The following NPHP1 variants were observed in gnomAD, a reference collection of about 807,000 sequenced individuals.
NPHP1 encodes the protein nephrocystin 1, also known as nephrocystin-1.
Under a neutral mutation model 90.4 loss-of-function variants are expected in NPHP1, and 70 were observed. The observed-to-expected ratio is 0.77, with a 90% CI of 0.64 to 0.95. The LOEUF (loss-of-function observed/expected upper bound fraction) is 0.95, where lower values mean the gene tolerates loss of function less well. NPHP1 is among the 40% of genes least tolerant of loss of function. The probability of loss-of-function intolerance (pLI) is 0.00; values close to 1 mark genes in which losing one functional copy is unlikely to be tolerated. For missense variants in NPHP1, 764 were observed against 795.9 expected (o/e 0.96, Z 0.48); for synonymous variants, 256 against 271.7 (o/e 0.94, Z 0.57).
intron 2 of NPHP1, among the ~76,000 whole-genome samples, chr2:110,200,697 C>T (rs536551645): frequency 2.6e-5 from 4 of 151,982 alleles, no homozygotes; most frequent in African/African-American, 4.8e-5. Context: ...GAACAATAAC[C>T]TTTGCTTTTC....
chr2:110,159,185 A>G (rs1386771523), intron 11 of NPHP1, among the ~76,000 whole-genome samples: 3 of 151,952 alleles, frequency 2.0e-5, no homozygotes, highest in Non-Finnish European at 4.4e-5. Flanking sequence ...ATTTAATAAT[A>G]TTTTGTTTAG....
At chr2:110,153,091 GA>G (rs1393877790) in intron 11 of NPHP1, among the ~76,000 whole-genome samples, 3 of 151,932 alleles carry the variant, frequency 2.0e-5, no homozygotes, top group Admixed American at 6.6e-5. Flanking sequence ...TAGCCAACAG[GA>G]AAAAAACAAT....
chr2:110,198,050 T>G (rs1685288506), intron 2 of NPHP1, among the ~76,000 whole-genome samples: 1 of 151,992 alleles, frequency 6.6e-6, no homozygotes, highest in South Asian at 2.1e-4. Context: ...ATTAAAACGT[T>G]TGAAAAGGTA....
At chr2:110,134,543 A>G (rs1052111558) in intron 16 of NPHP1, among the ~76,000 whole-genome samples, 6 of 151,834 alleles carry the variant, frequency 4.0e-5, no homozygotes, top group Non-Finnish European at 8.8e-5. Context: ...AAAAAAAAAA[A>G]AACTACAGGC....
chr2:110,177,668 T>C (rs1683594696), intron 4 of NPHP1, among the ~76,000 whole-genome samples: 1 of 152,132 alleles, frequency 6.6e-6, no homozygotes, highest in Admixed American at 6.5e-5. Flanking sequence ...CTTGTATATG[T>C]AAGTCTTCTT....
chr2:110,131,574 T>C lies in NPHP1; in HGVS notation c.1642+105A>G, dbSNP rs1679778018. On this transcript the variant is annotated intron_variant, in intron 17 of 19. Coordinates refer to ENST00000445609, the MANE Select transcript of NPHP1 (RefSeq NM_001128178.3). Reference sequence around the variant, plus strand: ...CATCAATGCTGTTCTAAATATTTTATTCCAAAAGTCACAACCAGAAACAGA... The same window carrying C: ...CATCAATGCTGTTCTAAATATTTTACTCCAAAAGTCACAACCAGAAACAGA... 1.1e-5 allele frequency: 8 copies of C among 733,448 alleles called. 1 individual carries two copies. Among genetic ancestry groups the C allele is most frequent in the South Asian group, 1.1e-4 (7 of 66,544 alleles). The allele number at this position is 733,448 out of a possible 1,614,324, so 45.4% of individuals were successfully genotyped here.
At position 110,198,680 on chromosome 2, in the gene NPHP1, G is replaced by A. The variant is rs557379387; in HGVS notation, c.143+2741C>T. Reference sequence around the variant, plus strand: ...TTTCCCATACACCAGGGTTAGAGCCGGCCCTATTCTGGCACTGGGGGATCC... The same window carrying A: ...TTTCCCATACACCAGGGTTAGAGCCAGCCCTATTCTGGCACTGGGGGATCC... On this transcript the variant is annotated intron_variant, in intron 2 of 19. Transcript: ENST00000445609. 1.7e-4 allele frequency among the ~76,000 whole-genome samples: 26 copies of A among 152,192 alleles called. No homozygotes were observed. In the South Asian group the frequency reaches 4.1e-3, roughly 24 times the overall value.
chr2:110,156,778 C>CTA (rs1225654386), intron 11 of NPHP1, among the ~76,000 whole-genome samples: 1 of 122,478 alleles, frequency 8.2e-6, no homozygotes, highest in Non-Finnish European at 1.7e-5. Context: ...GTTTTGGTTT[C>CTA]TGTTTTTTTT....
chr2:110,204,634 A>T (rs762532937), intron 1 of NPHP1, among the ~76,000 whole-genome samples: 7 of 151,420 alleles, frequency 4.6e-5, no homozygotes, highest in Non-Finnish European at 1.0e-4. Flanking sequence ...GGTGGGAGTG[A>T]GGGTCGGAGG....
At chr2:110,199,487 A>T (rs1685417372) in intron 2 of NPHP1, among the ~76,000 whole-genome samples, 1 of 151,990 alleles carries the variant, frequency 6.6e-6, no homozygotes, top group Non-Finnish European at 1.5e-5. Context: ...AAAAGTGTTA[A>T]AGTCAAGAGA....
At chr2:110,170,109 T>C in intron 4 of NPHP1, 111 bp from the exon 5 acceptor site, 1 of 1,365,584 alleles carries the variant, frequency 7.3e-7, no homozygotes, top group South Asian at 1.2e-5. Flanking sequence ...AGCTGGCAAA[T>C]AAAAGAAATA....
Position 110,178,549 on chromosome 2 carries a change from T to G in NPHP1, c.205-2A>C. ...TGCAACAGGTGCAGATTCATCAGCC[T>G]ATGAGAGAATATAGGTCTATTTCAC... On this transcript the variant is annotated splice_acceptor_variant, in intron 3 of 19. Transcript: ENST00000445609. LOFTEE classifies it high-confidence loss of function. 5 of 1,609,124 alleles carry G rather than the reference T, an allele frequency of 3.1e-6. No homozygotes were observed. Among genetic ancestry groups the G allele is most frequent in the Non-Finnish European group, 4.2e-6 (5 of 1,178,422 alleles).
chr2:110,140,674 C>T (rs1300211591), intron 16 of NPHP1, among the ~76,000 whole-genome samples: 2 of 151,986 alleles, frequency 1.3e-5, no homozygotes, highest in Non-Finnish European at 2.9e-5. Flanking sequence ...TGAGGCCAAA[C>T]AAGATTTGGG....
intron 9 of NPHP1, 107 bp from the exon 10 acceptor site, chr2:110,161,804 C>A: frequency 1.4e-6 from 1 of 738,470 alleles, no homozygotes; most frequent in Non-Finnish European, 2.3e-6. Context: ...CAAAATGCCA[C>A]GCTGCTTACT....
chr2:110,183,023 C>T (rs1389097931), intron 2 of NPHP1, among the ~76,000 whole-genome samples: 1 of 151,590 alleles, frequency 6.6e-6, no homozygotes. Context: ...GACTTTAAGC[C>T]AATAAAGATA....
At chr2:110,146,480 A>T (rs1280799500) in intron 14 of NPHP1, among the ~76,000 whole-genome samples, 1 of 152,128 alleles carries the variant, frequency 6.6e-6, no homozygotes, top group Non-Finnish European at 1.5e-5. Flanking sequence ...AAATGTGTTA[A>T]TACCATAGGA....
chr2:110,139,805 C>T (rs573844377), intron 16 of NPHP1, among the ~76,000 whole-genome samples: 5 of 152,236 alleles, frequency 3.3e-5, no homozygotes, highest in East Asian at 1.9e-4. Flanking sequence ...AGGATAGAGG[C>T]GGGGCGTGCC....
rs1169523264 is a variant in NPHP1 at position 110,129,232 on chromosome 2, G to C, written c.1670C>G (p.Thr557Ser). The C allele has an allele frequency of 6.2e-7, 1 of 1,613,626 alleles. No individual in the cohort carries two copies. Among genetic ancestry groups the C allele is most frequent in the Non-Finnish European group, 8.5e-7 (1 of 1,179,738 alleles). The change falls in exon 18 of 20, where the codon ACC becomes AGC. Residue 557 changes from threonine to serine, a missense_variant. By Grantham distance (58) the Thr-to-Ser change is moderately conservative. Transcript: ENST00000445609. ...TDLISHPMLA[T>S]FPMLLEQPDV... Reference sequence around the variant, plus strand: ...AGGCTGCTCCAAGAGCATGGGGAAGGTGGCCAGCATGGGATGGCTAATTAA... The same window carrying C: ...AGGCTGCTCCAAGAGCATGGGGAAGCTGGCCAGCATGGGATGGCTAATTAA...
At chr2:110,125,459 C>A in intron 19 of NPHP1, 178 bp downstream of exon 19, 1 of 1,121,506 alleles carries the variant, frequency 8.9e-7, no homozygotes, top group South Asian at 1.3e-5. Flanking sequence ...CTCACATTAG[C>A]TAACGATCAT....
Sources: allele counts gnomAD v4.1 joint callset (sites outside exome capture counted in the v4.1 genomes callset), GRCh38; gene constraint gnomAD v4.1.1; transcripts MANE v1.5; gene names NCBI Gene and HGNC (gene_info 2026-07-23, HGNC 2026-07-21).